Variants in WDR59 observed in about 807,000 individuals in gnomAD.
The protein encoded by WDR59 is GATOR2 complex protein WDR59.
A neutral mutation model predicts 131.2 loss-of-function variants in WDR59; 100 were observed. That is an observed-to-expected ratio of 0.76 (90% CI 0.65 to 0.90). The LOEUF is 0.90. Ranked by LOEUF, WDR59 falls within the 40% of genes least tolerant of loss-of-function variation. WDR59 has a pLI of 0.00. For synonymous variants in WDR59, 601 were observed against 466.2 expected (o/e 1.29, Z -3.72); for missense variants, 1,203 against 1,262.2 (o/e 0.95, Z 0.71).
intron 25 of WDR59, among the ~76,000 whole-genome samples, chr16:74,878,123 A>G (rs1199339740): frequency 6.6e-6 from 1 of 152,146 alleles, no homozygotes; most frequent in Non-Finnish European, 1.5e-5. Context: ...TATTCTCTAT[A>G]CTTTTAATTG....
rs756977198 is a variant in WDR59 at position 74,912,225 on chromosome 16, T to C, written c.1362A>G (p.Thr454=). 1 of 1,614,108 alleles carries C rather than the reference T, an allele frequency of 6.2e-7. No individual in the cohort carries two copies. The highest frequency in any genetic ancestry group is 8.5e-7 in the Non-Finnish European group (1 of 1,180,016). ...TCAGCAGCTTAGCTTTCATGGTGGA[T>C]GTGATGGTTGTGGGGTTAATAAACT... The part of the protein sequence containing the change: ...SFQFINPTTI[T]STMKAKLLKI... The change falls in exon 14 of 26, where the codon ACA becomes ACG. Residue 454 remains threonine, a synonymous_variant. Transcript: ENST00000262144.
At chr16:74,981,629 TATATATATATATA>T (rs2034412007) in intron 1 of WDR59, among the ~76,000 whole-genome samples, 1 of 2,648 alleles carries the variant, frequency 3.8e-4, no homozygotes, top group African/African-American at 8.1e-4. Context: ...TATATATATA[TATATATATATATA>T]TATATATATA....
chr16:74,874,155 C>T lies in WDR59; in HGVS notation c.*54G>A, dbSNP rs140910097. ...GCCTCTCCCCTGACAGACAGCTTGTCACCGGCACTTATGGGTCCTCTGGGA... is the reference window on the plus strand; with the variant it reads ...GCCTCTCCCCTGACAGACAGCTTGTTACCGGCACTTATGGGTCCTCTGGGA... On this transcript the variant is annotated 3_prime_UTR_variant, in exon 26 of 26. Coordinates refer to ENST00000262144, the MANE Select transcript of WDR59 (RefSeq NM_030581.4). The T allele has an allele frequency of 2.7e-3, 3,980 of 1,467,898 alleles. 5 individuals are homozygous for T. Among genetic ancestry groups the T allele is most frequent in the Non-Finnish European group, 3.4e-3 (3,701 of 1,072,774 alleles). The allele number at this position is 1,467,898 out of a possible 1,614,324, so 90.9% of individuals were successfully genotyped here. A position where few individuals can be genotyped will look rare whatever the true frequency, so the allele number is the denominator to read the frequency against.
intron 1 of WDR59, among the ~76,000 whole-genome samples, chr16:74,970,303 ATAATT>A (rs1456332291): frequency 6.6e-6 from 1 of 151,998 alleles, no homozygotes; most frequent in African/African-American, 2.4e-5. Context: ...GCCTTGTAGT[ATAATT>A]TAAAGGCAGG....
chr16:74,901,553 G>A (rs1056372184), intron 18 of WDR59, among the ~76,000 whole-genome samples: 1 of 151,746 alleles, frequency 6.6e-6, no homozygotes, highest in African/African-American at 2.4e-5. Flanking sequence ...TGAGGTGGAA[G>A]GATCACTCGA....
chr16:74,955,598 G>C (rs954617252), intron 3 of WDR59, among the ~76,000 whole-genome samples: 4 of 152,144 alleles, frequency 2.6e-5, no homozygotes, highest in Non-Finnish European at 5.9e-5. Flanking sequence ...GTTAAAGGCA[G>C]ACTCTATTTT....
At chr16:74,934,995 G>A (rs1018855166) in intron 8 of WDR59, among the ~76,000 whole-genome samples, 8 of 152,064 alleles carry the variant, frequency 5.3e-5, no homozygotes, top group Admixed American at 6.6e-5. Context: ...TTGGGAGGCC[G>A]AGACAGGGAG....
At chr16:74,887,847 G>C in intron 22 of WDR59, 92 bp from the exon 23 acceptor site, 1 of 1,301,766 alleles carries the variant, frequency 7.7e-7, no homozygotes, top group Non-Finnish European at 1.1e-6. Context: ...GCCAAGCACG[G>C]TGGCTCATGC....
chr16:74,923,843 A>G, intron 9 of WDR59, 83 bp downstream of exon 9: 1 of 1,245,438 alleles, frequency 8.0e-7, no homozygotes, highest in Non-Finnish European at 1.1e-6. Context: ...CACAAAGAAA[A>G]TAAGAGAAAA....
intron 6 of WDR59, among the ~76,000 whole-genome samples, chr16:74,943,113 G>C (rs2145101408): frequency 6.6e-6 from 1 of 152,332 alleles, no homozygotes; most frequent in Admixed American, 6.5e-5. Context: ...GTTTCTTACA[G>C]AGCAGTAGTT....
chr16:74,918,114 C>T, intron 10 of WDR59, 106 bp from the exon 11 acceptor site: 1 of 1,044,654 alleles, frequency 9.6e-7, no homozygotes, highest in Non-Finnish European at 1.5e-6. Context: ...CAAACATCTA[C>T]TGAACATTTC....
chr16:74,926,692 CT>C (rs2030843369), intron 8 of WDR59, among the ~76,000 whole-genome samples: 4 of 152,090 alleles, frequency 2.6e-5, no homozygotes, highest in Non-Finnish European at 5.9e-5. Context: ...TGTTTTAAAA[CT>C]GGTTTTACAT....
At chr16:74,924,889 G>A (rs954470988) in intron 8 of WDR59, among the ~76,000 whole-genome samples, 2 of 152,064 alleles carry the variant, frequency 1.3e-5, no homozygotes, top group Non-Finnish European at 1.5e-5. Context: ...CCAAAGTGCT[G>A]GGATTACAGG....
chr16:74,930,905 A>C (rs1035230279), intron 8 of WDR59: 2 of 151,016 alleles, frequency 1.3e-5, no homozygotes, highest in Non-Finnish European at 1.5e-5. Context: ...AAAAAAAAAA[A>C]AAAAAAAAAC....
At chr16:74,906,313 C>CAAAAAA (rs762288713) in intron 17 of WDR59, among the ~76,000 whole-genome samples, 465 of 32,466 alleles carry the variant, frequency 0.014, 71 homozygotes, top group South Asian at 0.084. Flanking sequence ...GACTCCGTCT[C>CAAAAAA]AAAAAAAAAA....
intron 18 of WDR59, chr16:74,894,055 A>G (rs1567695719): frequency 2.4e-6 from 1 of 413,278 alleles, no homozygotes. Flanking sequence ...AAAAACACAT[A>G]TCAGGAAGCC....
In WDR59 at chr16:74,903,997, G is replaced by A. The variant is rs199858602; in HGVS notation, c.1816C>T (p.Arg606Cys). The A allele has an allele frequency of 1.1e-5, 17 of 1,611,374 alleles. No individual in the cohort carries two copies. The highest frequency in any genetic ancestry group is 2.7e-5 in the African/African-American group (2 of 74,876). The change falls in exon 18 of 26, where the codon CGC becomes TGC. Residue 606 changes from arginine to cysteine, a missense_variant. By Grantham distance (180) the Arg-to-Cys change is radical (BLOSUM62 -3). Coordinates refer to ENST00000262144, the MANE Select transcript of WDR59 (RefSeq NM_030581.4). ...ATGGAGACCTGCTCTTTCTCGCTGC[G>A]AGTGGGGCTCCCACTGTATAAACGA... ...NLRLYSGSPTRSEKEQVSISS... is the reference protein window; with the variant it reads ...NLRLYSGSPTCSEKEQVSISS...
chr16:74,945,759 C>T (rs2032582065), intron 6 of WDR59, among the ~76,000 whole-genome samples: 2 of 151,816 alleles, frequency 1.3e-5, no homozygotes, highest in Admixed American at 1.3e-4. Flanking sequence ...GAGTCACTCC[C>T]GGTACAGTAC....
At chr16:74,912,089 A>T (rs187711693) in intron 14 of WDR59, 109 bp downstream of exon 14, 168 of 1,473,322 alleles carry the variant, frequency 1.1e-4, no homozygotes, top group Admixed American at 6.4e-4. Context: ...TGTGTGTACG[A>T]AACAGATGAC....
Sources: gnomAD v4.1 joint callset for allele counts (sites outside exome capture counted in the v4.1 genomes callset) on GRCh38, gnomAD v4.1.1 for gene constraint, MANE v1.5 for transcripts, NCBI Gene and HGNC (gene_info 2026-07-23, HGNC 2026-07-21) for gene names.